Variants in CATSPERE observed in about 807,000 individuals in gnomAD.
CATSPERE encodes the protein catsper channel auxiliary subunit epsilon.
Under a neutral mutation model 114.1 loss-of-function variants are expected in CATSPERE, and 93 were observed. That is an observed-to-expected ratio of 0.81 (90% CI 0.69 to 0.97). The LOEUF is 0.97. Ranked by LOEUF, CATSPERE falls within the 50% of genes least tolerant of loss-of-function variation. The pLI is 0.00. For missense variants in CATSPERE, 1,058 were observed against 1,131.6 expected (o/e 0.93, Z 0.93); for synonymous variants, 341 against 384.1 (o/e 0.89, Z 1.31).
chr1:244,556,467 G>A (rs554422206), intron 9 of CATSPERE, among the ~76,000 whole-genome samples: 1 of 152,100 alleles, frequency 6.6e-6, no homozygotes, highest in Non-Finnish European at 1.5e-5. Flanking sequence ...GGCAGAGATT[G>A]TCAGATTGGA....
intron 2 of CATSPERE, among the ~76,000 whole-genome samples, chr1:244,465,869 C>G (rs188371125): frequency 1.3e-4 from 20 of 151,996 alleles, no homozygotes; most frequent in African/African-American, 4.6e-4. Context: ...ATGATGTAGC[C>G]CTCCAGAGTT....
At chr1:244,610,621 G>C (rs6658178) in intron 19 of CATSPERE, 1 of 438,174 alleles carries the variant, frequency 2.3e-6, no homozygotes, top group Non-Finnish European at 4.2e-6. Flanking sequence ...TTGTAAAGAC[G>C]ACCTAGCTCC....
chr1:244,579,261 GT>G (rs80035783), intron 11 of CATSPERE, among the ~76,000 whole-genome samples: 28,315 of 152,020 alleles, frequency 0.19, 3,827 homozygotes, highest in East Asian at 0.41. Context: ...ATTTCATGCA[GT>G]TATGGTTTAT....
chr1:244,617,668 T>C lies in CATSPERE; in HGVS notation c.2630T>C (p.Ile877Thr). 6.5e-7 allele frequency: 1 copy of C among 1,539,536 alleles called. No individual in the cohort carries two copies. The highest frequency in any genetic ancestry group is 8.7e-7 in the Non-Finnish European group (1 of 1,144,128). ...HSGMYVFRVK[I>T]LDPNYSFCNL... ...GGAATGTATGTATTTCGTGTGAAGATCCTGGATCCAAACTATAGGTGAATA... is the reference window on the plus strand; with the variant it reads ...GGAATGTATGTATTTCGTGTGAAGACCCTGGATCCAAACTATAGGTGAATA... Residue 877 changes from isoleucine (I) to threonine (T), a missense_variant, in exon 20 of 22, where the codon ATC (isoleucine) becomes ACC (threonine). Ile to Thr is a moderately conservative substitution (Grantham distance 89). Transcript: ENST00000366534.
intron 2 of CATSPERE, among the ~76,000 whole-genome samples, chr1:244,472,224 G>A (rs1330468860): frequency 6.6e-6 from 1 of 152,190 alleles, no homozygotes; most frequent in Non-Finnish European, 1.5e-5. Context: ...GCCTCTGAAA[G>A]TGCTAGGATT....
At chr1:244,602,905 T>C (rs1384110228) in intron 17 of CATSPERE, among the ~76,000 whole-genome samples, 1 of 151,988 alleles carries the variant, frequency 6.6e-6, no homozygotes, top group East Asian at 1.9e-4. Flanking sequence ...GCATGCTCCA[T>C]GGGGCCACAC....
At chr1:244,514,295 A>G (rs946486001) in intron 7 of CATSPERE, among the ~76,000 whole-genome samples, 5 of 152,330 alleles carry the variant, frequency 3.3e-5, no homozygotes, top group Admixed American at 3.3e-4. Flanking sequence ...GCCACTTTCA[A>G]AGTATTGAAT....
intron 21 of CATSPERE, among the ~76,000 whole-genome samples, chr1:244,639,574 C>T (rs56249176): frequency 0.12 from 18,639 of 151,966 alleles, 1,467 homozygotes; most frequent in East Asian, 0.34. Flanking sequence ...CCTGTAATCC[C>T]AGCTGCTTGG....
chr1:244,582,494 G>T (rs191817733), intron 12 of CATSPERE, among the ~76,000 whole-genome samples: 1 of 149,456 alleles, frequency 6.7e-6, no homozygotes, highest in East Asian at 2.0e-4. Context: ...CCTCCACCTC[G>T]CAGGTTCAAG....
intron 17 of CATSPERE, among the ~76,000 whole-genome samples, chr1:244,594,419 G>A (rs1272069266): frequency 1.3e-5 from 2 of 152,142 alleles, no homozygotes; most frequent in Non-Finnish European, 2.9e-5. Context: ...TTTCGTCTCT[G>A]ACTTTATTCT....
At chr1:244,505,820 C>T (rs1467796964) in intron 7 of CATSPERE, among the ~76,000 whole-genome samples, 3 of 151,942 alleles carry the variant, frequency 2.0e-5, no homozygotes, top group African/African-American at 7.2e-5. Flanking sequence ...TCCTGGCTAA[C>T]ACAGTGAAAG....
Position 244,461,440 on chromosome 1 carries a change from G to A in CATSPERE, c.11G>A (p.Arg4Gln), listed in dbSNP as rs368348346. 26 of 1,386,240 alleles carry A rather than the reference G, an allele frequency of 1.9e-5. No homozygotes were observed. The African/African-American group carries it at 3.7e-4, about 20-fold the overall frequency. The allele number at this position is 1,386,240 out of a possible 1,614,324, so 85.9% of individuals were successfully genotyped here. ...GGCGGAGCAGGCGCCATGTCAGCCC[G>A]GGAAGTGGCCGTGCTGCTGCTGTGG... MSA[R>Q]EVAVLLLWLS... Residue 4 changes from arginine (R) to glutamine (Q), a missense_variant, in exon 1 of 22, where the codon CGG becomes CAG. Arg to Gln is a conservative substitution (Grantham distance 43). Transcript: ENST00000366534.
intron 8 of CATSPERE, among the ~76,000 whole-genome samples, chr1:244,535,077 T>G (rs1479596397): frequency 6.6e-6 from 1 of 152,206 alleles, no homozygotes; most frequent in Non-Finnish European, 1.5e-5. Context: ...GCAAACACTC[T>G]TGTTCTCTTC....
intron 8 of CATSPERE, among the ~76,000 whole-genome samples, chr1:244,526,761 C>G (rs1253254229): frequency 6.6e-6 from 1 of 151,870 alleles, no homozygotes; most frequent in Non-Finnish European, 1.5e-5. Context: ...GGGAACCTGC[C>G]CCCGCTAGTC....
chr1:244,459,010 G>A (rs1666404382), upstream of CATSPERE, among the ~76,000 whole-genome samples: 1 of 151,166 alleles, frequency 6.6e-6, no homozygotes, highest in Non-Finnish European at 1.5e-5. Context: ...GGAACTCCAA[G>A]TTATCTTGGG....
At chr1:244,621,061 A>AAATATATATAT (rs1207234073) in intron 20 of CATSPERE, among the ~76,000 whole-genome samples, 2 of 57,104 alleles carry the variant, frequency 3.5e-5, no homozygotes, top group African/African-American at 1.3e-4. Context: ...AATATATATA[A>AAATATATATAT]ATATATATAA....
intron 5 of CATSPERE, among the ~76,000 whole-genome samples, chr1:244,481,819 C>T (rs927084681): frequency 6.6e-5 from 10 of 152,172 alleles, no homozygotes; most frequent in African/African-American, 2.2e-4. Flanking sequence ...GCACCTTGAT[C>T]TTTGGACTTT....
chr1:244,605,969 G>C (rs1669935645), intron 18 of CATSPERE, among the ~76,000 whole-genome samples, 175 bp downstream of exon 18: 1 of 152,120 alleles, frequency 6.6e-6, no homozygotes, highest in African/African-American at 2.4e-5. Flanking sequence ...AAAAATAGAA[G>C]TTGTCACATA....
chr1:244,606,483 G>A lies in CATSPERE; in HGVS notation c.2403+689G>A, dbSNP rs184598459. ...ACAAAAAACAGGGATGGCTCTTTCCGAAGTAATGTTCTTATCTACCAGACA... is the reference window on the plus strand; with the variant it reads ...ACAAAAAACAGGGATGGCTCTTTCCAAAGTAATGTTCTTATCTACCAGACA... On this transcript the variant is annotated intron_variant, in intron 18 of 21. Transcript: ENST00000366534. Among the ~76,000 whole-genome samples, 386 of 150,844 alleles carry A rather than the reference G, an allele frequency of 2.6e-3. 5 individuals carry two copies. Among genetic ancestry groups the A allele is most frequent in the East Asian group, 0.014 (71 of 5,158 alleles).
Sources: allele counts gnomAD v4.1 joint callset (sites outside exome capture counted in the v4.1 genomes callset), GRCh38; gene constraint gnomAD v4.1.1; transcripts MANE v1.5; gene names NCBI Gene and HGNC (gene_info 2026-07-23, HGNC 2026-07-21).